ASMT: variants seen among roughly 807,000 people sequenced by gnomAD.
ASMT encodes acetylserotonin N-methyltransferase.
In ASMT, 53 loss-of-function variants were observed where a neutral mutation model predicts 41.3. The observed-to-expected ratio is 1.28, with a 90% CI of 1.03 to 1.61. The LOEUF is 1.61. Among genes scored for constraint, ASMT ranks in the 40% most tolerant of loss-of-function variants. The pLI is 0.00. For missense variants in ASMT, 531 were observed against 441.3 expected, an observed-to-expected ratio of 1.20 and a Z score of -1.82; for synonymous variants, 231 against 184.8, an observed-to-expected ratio of 1.25 and a Z score of -2.03.
chrX:1,623,553 C>T (rs1404227039), intron 2 of ASMT, among the ~76,000 whole-genome samples: 4 of 152,076 alleles, frequency 2.6e-5, no homozygotes, highest in Admixed American at 1.3e-4. Context: ...GAGCCGAGAT[C>T]GTGCCACTGC....
Position 1,622,658 on chromosome X carries a change from C to CAG in ASMT, c.70-480_70-479insGA. Among the ~76,000 whole-genome samples, 2 of 151,902 alleles carry CAG rather than the reference C, an allele frequency of 1.3e-5. 1 individual carries two copies. The highest frequency in any genetic ancestry group is 4.8e-5 in the African/African-American group (2 of 41,404). On this transcript the variant is annotated intron_variant, in intron 1 of 8. Transcript: ENST00000381241. The stretch of plus-strand genomic sequence containing the variant: ...GCCAGGCGCAATGGCTCACGCCTGT[C>CAG]ATCCCAGCACTTTGGGAGGCCGAGG...
intron 7 of ASMT, among the ~76,000 whole-genome samples, chrX:1,634,253 C>T (rs1261864652): frequency 1.2e-4 from 18 of 152,172 alleles, no homozygotes; most frequent in Non-Finnish European, 2.1e-4. Context: ...GGATAGAGTT[C>T]GGGAGAAACC....
chrX:1,626,146 G>A (rs750483400), intron 3 of ASMT, among the ~76,000 whole-genome samples: 9 of 151,880 alleles, frequency 5.9e-5, no homozygotes, highest in East Asian at 3.9e-4. Context: ...TCTCCAGAAC[G>A]TAGATTTTCT....
At chrX:1,615,785 C>T (rs1252922291) in intron 1 of ASMT, among the ~76,000 whole-genome samples, 1 of 150,694 alleles carries the variant, frequency 6.6e-6, no homozygotes, top group Non-Finnish European at 1.5e-5. Context: ...CTGGGGGACA[C>T]AGCAAGACTC....
At position 1,623,127 on chromosome X, in the gene ASMT, T is replaced by C; in HGVS notation, c.70-12T>C. 1.9e-6 allele frequency: 3 copies of C among 1,612,204 alleles called. No individual in the cohort carries two copies. The highest frequency in any genetic ancestry group is 2.5e-6 in the Non-Finnish European group (3 of 1,179,820). On this transcript the variant is annotated splice_polypyrimidine_tract_variant and intron_variant, in intron 1 of 8. Coordinates refer to ENST00000381241, the MANE Select transcript of ASMT (RefSeq NM_001171038.2). ...CTGAGCCCTGACCTTTTATTTCCGC[T>C]CCTGCTCCAAGGTTCTCTTCGCCGC...
intron 5 of ASMT, among the ~76,000 whole-genome samples, chrX:1,630,634 G>GCAGCCT (rs1406492429): frequency 3.9e-5 from 6 of 151,986 alleles, no homozygotes; most frequent in African/African-American, 1.4e-4. Context: ...ATAGCTCACT[G>GCAGCCT]CAGCCTCAGA....
chrX:1,633,010 TA>T (rs1934835003), intron 6 of ASMT, 139 bp from the exon 7 acceptor site: 2 of 883,928 alleles, frequency 2.3e-6, no homozygotes, highest in Non-Finnish European at 3.6e-6. Context: ...TAAAGTATAA[TA>T]AAAAGAAAAA....
intron 3 of ASMT, among the ~76,000 whole-genome samples, chrX:1,626,875 A>G (rs1252667393): frequency 6.6e-6 from 1 of 151,096 alleles, no homozygotes; most frequent in East Asian, 1.9e-4. Flanking sequence ...TAAAAAATAC[A>G]AAAATGAGCC....
At chrX:1,615,619 A>G (rs1934058289) in intron 1 of ASMT, among the ~76,000 whole-genome samples, 1 of 152,138 alleles carries the variant, frequency 6.6e-6, no homozygotes, top group Admixed American at 6.6e-5. Context: ...CCTGACCCAC[A>G]CAGAGAAACC....
At chrX:1,621,765 G>A (rs1265991835) in intron 1 of ASMT, among the ~76,000 whole-genome samples, 1 of 151,950 alleles carries the variant, frequency 6.6e-6, no homozygotes, top group Non-Finnish European at 1.5e-5. Flanking sequence ...GCACGATCTC[G>A]GCTCACCACA....
intron 1 of ASMT, among the ~76,000 whole-genome samples, chrX:1,616,254 C>G (rs1311356320): frequency 2.9e-4 from 44 of 151,374 alleles, no homozygotes; most frequent in African/African-American, 1.0e-3. Flanking sequence ...GTCTCGAACT[C>G]CTGACCTCAA....
rs180892409 is a variant in ASMT, at chrX:1,624,081, G to A, written c.245-188G>A. 304 of 250,810 alleles carry A rather than the reference G, an allele frequency of 1.2e-3. 2 individuals are homozygous for A. The highest frequency in any genetic ancestry group is 6.6e-3 in the African/African-American group (290 of 43,666). 15.5% of individuals were successfully genotyped at this position (250,810 alleles called of 1,614,324 possible). A position where few individuals can be genotyped will look rare whatever the true frequency, so the allele number is the denominator to read the frequency against. ...ACCGAACCCGACGGGGGTGCTAGCC[G>A]CCCCAGGTCACCTTTGCGCCTTCCA... On this transcript the variant is annotated intron_variant, in intron 2 of 8. Transcript: ENST00000381241.
At chrX:1,635,632 C>T (rs1438243256) in intron 7 of ASMT, among the ~76,000 whole-genome samples, 8 of 151,910 alleles carry the variant, frequency 5.3e-5, no homozygotes, top group African/African-American at 7.2e-5. Flanking sequence ...GAGGCCGAGG[C>T]GGGCGGATCA....
intron 1 of ASMT, among the ~76,000 whole-genome samples, chrX:1,616,771 CG>C (rs200914918): frequency 0.064 from 9,640 of 150,962 alleles, 579 homozygotes; most frequent in South Asian, 0.089. Context: ...TGCAATGGCA[CG>C]ATCTCGGCTC....
rs1934396716 is a variant in ASMT, at chrX:1,623,160, C to T, written c.91C>T (p.Leu31=). ...VSQVLFAACE[L]GVFDLLAEAP... The stretch of plus-strand genomic sequence containing the variant: ...CAAGGTTCTCTTCGCCGCCTGCGAG[C>T]TGGGCGTGTTTGACCTTCTCGCCGA... The change falls in exon 2 of 9, where the codon CTG becomes TTG. Residue 31 remains leucine (L), a synonymous_variant. Transcript: ENST00000381241. 1 of 1,612,792 alleles carries T rather than the reference C, an allele frequency of 6.2e-7. No homozygotes were observed. The highest frequency in any genetic ancestry group is 8.5e-7 in the Non-Finnish European group (1 of 1,179,836).
At chrX:1,622,448 G>C (rs1259357304) in intron 1 of ASMT, among the ~76,000 whole-genome samples, 21 of 150,652 alleles carry the variant, frequency 1.4e-4, no homozygotes, top group Non-Finnish European at 3.0e-4. Flanking sequence ...GAGCCACCAC[G>C]CCCGGCTAAT....
At chrX:1,616,004 A>G (rs1232350321) in intron 1 of ASMT, among the ~76,000 whole-genome samples, 1 of 151,734 alleles carries the variant, frequency 6.6e-6, no homozygotes, top group Non-Finnish European at 1.5e-5. Context: ...TTGAGGGTTC[A>G]CCCGTAGAGG....
chrX:1,625,736 C>G (rs1412306603), intron 3 of ASMT, among the ~76,000 whole-genome samples: 1 of 151,354 alleles, frequency 6.6e-6, no homozygotes, highest in Non-Finnish European at 1.5e-5. Flanking sequence ...GGGCGGATCA[C>G]GAGGTCAGGA....
intron 3 of ASMT, among the ~76,000 whole-genome samples, chrX:1,627,207 T>A (rs761072890): frequency 8.0e-4 from 121 of 150,312 alleles, no homozygotes; most frequent in African/African-American, 2.8e-3. Flanking sequence ...GTGCCTGTAA[T>A]CCCAGCTACT....
Sources: gnomAD v4.1 joint callset for allele counts (sites outside exome capture counted in the v4.1 genomes callset) on GRCh38, gnomAD v4.1.1 for gene constraint, MANE v1.5 for transcripts, NCBI Gene and HGNC (gene_info 2026-07-23, HGNC 2026-07-21) for gene names.